The following RNFT2 variants were observed in gnomAD, a reference collection of about 807,000 sequenced individuals.
The protein encoded by RNFT2 is E3 ubiquitin-protein ligase RNFT2.
Under a neutral mutation model 53.0 loss-of-function variants are expected in RNFT2, and 36 were observed. The observed-to-expected ratio is 0.68, with a 90% CI of 0.52 to 0.90. The LOEUF (loss-of-function observed/expected upper bound fraction) is 0.90, where lower values mean the gene tolerates loss of function less well. Ranked by LOEUF, RNFT2 falls within the 40% of genes least tolerant of loss-of-function variation. The pLI, the probability that RNFT2 is intolerant of heterozygous loss-of-function variation, is 0.00. For missense variants in RNFT2, 514 were observed against 585.6 expected (o/e 0.88, Z 1.26); for synonymous variants, 260 against 253.2 (o/e 1.03, Z -0.26).
chr12:116,777,345 C>A (rs772651708), intron 6 of RNFT2, among the ~76,000 whole-genome samples: 1 of 152,136 alleles, frequency 6.6e-6, no homozygotes, highest in Non-Finnish European at 1.5e-5. Flanking sequence ...GCCACTATTA[C>A]AAAGAACATC....
Position 116,852,353 on chromosome 12 carries a change from C to T in RNFT2, c.*2905C>T, listed in dbSNP as rs1877969119. The T allele has an allele frequency of 1.6e-6, 2 of 1,279,000 alleles. No individual in the cohort carries two copies. The highest frequency in any genetic ancestry group is 3.7e-5 in the Admixed American group (1 of 26,898). The allele number at this position is 1,279,000 out of a possible 1,614,324, so 79.2% of individuals were successfully genotyped here. A position where few individuals can be genotyped will look rare whatever the true frequency, so the allele number is the denominator to read the frequency against. On this transcript the variant is annotated 3_prime_UTR_variant, in exon 11 of 11. Coordinates refer to ENST00000257575, the MANE Select transcript of RNFT2 (RefSeq NM_001382266.1). ...CCCGCCGTAGATTCAGGACATTTGC[C>T]CCTGTGTGCCACCAAACCAGGACTT...
chr12:116,840,317 A>C (rs76818059), intron 10 of RNFT2, among the ~76,000 whole-genome samples: 4,735 of 152,274 alleles, frequency 0.031, 258 homozygotes, highest in African/African-American at 0.11. Flanking sequence ...GAGACAAAGA[A>C]TCAGGCTCAG....
At chr12:116,793,013 A>G (rs1874328811) in intron 7 of RNFT2, among the ~76,000 whole-genome samples, 2 of 152,004 alleles carry the variant, frequency 1.3e-5, no homozygotes, top group East Asian at 1.9e-4. Context: ...TCCCGCTGCC[A>G]ATGCCAATTC....
intron 4 of RNFT2, among the ~76,000 whole-genome samples, chr12:116,750,892 A>AAATATATAT (rs1872212773): frequency 1.1e-3 from 1 of 888 alleles, no homozygotes; most frequent in African/African-American, 1.8e-3. Context: ...TATATATATA[A>AAATATATAT]TATATATATA....
chr12:116,828,694 G>A (rs1409677476), intron 7 of RNFT2, among the ~76,000 whole-genome samples: 2 of 152,052 alleles, frequency 1.3e-5, no homozygotes, highest in Non-Finnish European at 2.9e-5. Context: ...GGAGGGAGGG[G>A]CAGAGGAAAG....
chr12:116,768,454 C>T (rs10850714), intron 6 of RNFT2, among the ~76,000 whole-genome samples: 7,875 of 152,174 alleles, frequency 0.052, 553 homozygotes, highest in African/African-American at 0.15. Context: ...TTTCTGTCAA[C>T]GATGGACCAT....
chr12:116,749,782 GGA>G, intron 3 of RNFT2, 57 bp from the exon 4 acceptor site: 1 of 1,447,910 alleles, frequency 6.9e-7, no homozygotes, highest in South Asian at 1.2e-5. Flanking sequence ...ATCCTCCTCT[GGA>G]GTAAGGTCTT....
chr12:116,775,319 CTGAAGT>C (rs1873385503), intron 6 of RNFT2, among the ~76,000 whole-genome samples: 1 of 14,962 alleles, frequency 6.7e-5, no homozygotes, highest in Non-Finnish European at 1.4e-4. Flanking sequence ...CTTGTCCTTA[CTGAAGT>C]CACCAGAAGT....
intron 5 of RNFT2, among the ~76,000 whole-genome samples, chr12:116,766,526 C>T (rs1872919595): frequency 6.6e-6 from 1 of 152,126 alleles, no homozygotes; most frequent in South Asian, 2.1e-4. Context: ...AGGATTTGAC[C>T]AGGGATTTGA....
chr12:116,796,577 A>G (rs1874513263), intron 7 of RNFT2, among the ~76,000 whole-genome samples: 1 of 152,136 alleles, frequency 6.6e-6, no homozygotes, highest in Non-Finnish European at 1.5e-5. Flanking sequence ...CTGACATGAG[A>G]ACCAAGAGGA....
At position 116,821,802 on chromosome 12, in the gene RNFT2, C is replaced by CTTTTTTTTTTTTTT. The variant is rs149043452; in HGVS notation, c.883-11971_883-11958dup. Among the ~76,000 whole-genome samples the CTTTTTTTTTTTTTT allele has an allele frequency of 9.1e-5, 4 of 43,930 alleles. 1 individual carries two copies. Among genetic ancestry groups the CTTTTTTTTTTTTTT allele is most frequent in the African/African-American group, 4.1e-4 (4 of 9,776 alleles). 28.8% of individuals were successfully genotyped at this position (43,930 alleles called of 152,430 possible). ...TCCTCCTTTTTCTGACTACTTGTTT[C>CTTTTTTTTTTTTTT]TTTTTTTTTTTTTTTTTTTTTTTTT... On this transcript the variant is annotated intron_variant, in intron 7 of 10. Coordinates refer to ENST00000257575, the MANE Select transcript of RNFT2 (RefSeq NM_001382266.1).
Position 116,739,034 on chromosome 12 carries a change from T to C in RNFT2, c.-154+664T>C, listed in dbSNP as rs369743645. On this transcript the variant is annotated intron_variant, in intron 1 of 10. Transcript: ENST00000257575. ...AGAGAAAGGAGGCTTCACTGGCGGG[T>C]CATTTTTAATCAGTGGCCCTAGTGA... 7.9e-4 allele frequency among the ~76,000 whole-genome samples: 120 copies of C among 151,598 alleles called. 3 individuals carry two copies. The East Asian group carries it at 0.017, about 22-fold the overall frequency.
At chr12:116,783,977 C>T (rs901426497) in intron 7 of RNFT2, among the ~76,000 whole-genome samples, 10 of 152,200 alleles carry the variant, frequency 6.6e-5, no homozygotes. Flanking sequence ...TGAACAGGGT[C>T]CTGTTATTAC....
Position 116,852,829 on chromosome 12 carries a change from A to T in RNFT2, c.*3381A>T, listed in dbSNP as rs1187733981. The T allele has an allele frequency of 3.1e-6, 3 of 973,314 alleles. No individual in the cohort carries two copies. Among genetic ancestry groups the T allele is most frequent in the East Asian group, 4.8e-5 (2 of 41,316 alleles). The allele number at this position is 973,314 out of a possible 1,614,324, so 60.3% of individuals were successfully genotyped here. On this transcript the variant is annotated 3_prime_UTR_variant, in exon 11 of 11. Transcript: ENST00000257575. ...TCTCCAGGGTGACGGAACCCAGTGT[A>T]TTACCTGCTGGAACCAAGGAAACTA...
intron 7 of RNFT2, among the ~76,000 whole-genome samples, chr12:116,821,616 A>G (rs1401894374): frequency 6.6e-6 from 1 of 152,148 alleles, no homozygotes; most frequent in African/African-American, 2.4e-5. Context: ...TCCAGGGAAG[A>G]AAAGCAAGCA....
Position 116,851,899 on chromosome 12 carries a change from C to T in RNFT2, c.*2451C>T. 4.6e-6 allele frequency: 7 copies of T among 1,536,296 alleles called. No homozygotes were observed. The highest frequency in any genetic ancestry group is 2.4e-5 in the East Asian group (1 of 40,922). On this transcript the variant is annotated 3_prime_UTR_variant, in exon 11 of 11. Coordinates refer to ENST00000257575, the MANE Select transcript of RNFT2 (RefSeq NM_001382266.1). The stretch of plus-strand genomic sequence containing the variant: ...TCTGTCATCTCCCTCACTTAAGTCT[C>T]AGGCCTGTCAGCAGCTCCTGTGGAC...
intron 6 of RNFT2, among the ~76,000 whole-genome samples, chr12:116,775,991 C>A: frequency 6.6e-6 from 1 of 151,294 alleles, no homozygotes; most frequent in Non-Finnish European, 1.5e-5. Flanking sequence ...TGCAGTGAGC[C>A]AAGGTTGTGA....
rs74653836 is a variant in RNFT2, at chr12:116,774,909, A to G, written c.729-4286A>G. On this transcript the variant is annotated intron_variant, in intron 6 of 10. Coordinates refer to ENST00000257575, the MANE Select transcript of RNFT2 (RefSeq NM_001382266.1). ...CAGACCTCTGTGCCCCCATCAAAGC[A>G]GGCTGAGTCAAACTGGTGCACAGAA... 2.7e-3 allele frequency among the ~76,000 whole-genome samples: 416 copies of G among 151,874 alleles called. 4 individuals are homozygous for G. Among genetic ancestry groups the G allele is most frequent in the African/African-American group, 9.8e-3 (405 of 41,284 alleles).
At chr12:116,830,661 T>C (rs1466453104) in intron 7 of RNFT2, among the ~76,000 whole-genome samples, 2 of 152,026 alleles carry the variant, frequency 1.3e-5, no homozygotes, top group Admixed American at 6.6e-5. Context: ...TTTTAGCACT[T>C]TGGGAGGCTG....
Sources: allele counts gnomAD v4.1 joint callset (sites outside exome capture counted in the v4.1 genomes callset), GRCh38; gene constraint gnomAD v4.1.1; transcripts MANE v1.5; gene names NCBI Gene and HGNC (gene_info 2026-07-23, HGNC 2026-07-21).